The following SLC24A2 variants were observed in gnomAD, a reference collection of about 807,000 sequenced individuals.
SLC24A2 encodes the protein solute carrier family 24 member 2.
In SLC24A2, 36 loss-of-function variants were observed where a neutral mutation model predicts 62.0. The ratio of observed to expected loss-of-function variants is 0.58; its 90% confidence interval spans 0.44 to 0.77. SLC24A2 has a LOEUF of 0.77. SLC24A2 is among the 30% of genes least tolerant of loss of function. The pLI, the probability that SLC24A2 is intolerant of heterozygous loss-of-function variation, is 0.00. For synonymous variants in SLC24A2, 358 were observed against 294.0 expected, an observed-to-expected ratio of 1.22 and a Z score of -2.23; for missense variants, 846 against 817.9, an observed-to-expected ratio of 1.03 and a Z score of -0.42.
chr9:19,870,347 C>T, the SLC24A2 span, among the ~76,000 whole-genome samples: 1 of 152,178 alleles, frequency 6.6e-6, no homozygotes, highest in Non-Finnish European at 1.5e-5. Context: ...CATGTAACCA[C>T]AGTATTCCAT....
chr9:20,172,010 G>A, the SLC24A2 span, among the ~76,000 whole-genome samples: 4 of 151,904 alleles, frequency 2.6e-5, 1 homozygote, highest in Non-Finnish European at 5.9e-5. Context: ...ATTATATCAA[G>A]CACTCTCTCA....
the SLC24A2 span, among the ~76,000 whole-genome samples, chr9:20,021,417 G>A: frequency 6.6e-6 from 1 of 151,454 alleles, no homozygotes; most frequent in South Asian, 2.1e-4. Flanking sequence ...ATAATCTAAG[G>A]CAGCTGTTCC....
chr9:19,949,055 G>A, the SLC24A2 span, among the ~76,000 whole-genome samples: 1 of 151,848 alleles, frequency 6.6e-6, no homozygotes, highest in African/African-American at 2.4e-5. Context: ...GTGCAGTGGT[G>A]CCATCTCAGC....
At chr9:20,199,160 C>T in the SLC24A2 span, among the ~76,000 whole-genome samples, 18 of 152,074 alleles carry the variant, frequency 1.2e-4, no homozygotes, top group Non-Finnish European at 2.1e-4. Flanking sequence ...TTTTCTCTCT[C>T]CAGTTAGGGA....
At chr9:20,305,271 C>A in the SLC24A2 span, among the ~76,000 whole-genome samples, 4 of 152,090 alleles carry the variant, frequency 2.6e-5, no homozygotes, top group East Asian at 1.9e-4. Context: ...CAACGCCTGG[C>A]TAATTTTTGT....
chr9:19,972,367 G>A, the SLC24A2 span, among the ~76,000 whole-genome samples: 3 of 152,166 alleles, frequency 2.0e-5, no homozygotes, highest in Non-Finnish European at 4.4e-5. Flanking sequence ...TAATTCCTTA[G>A]AGGTTCTGGG....
At chr9:20,134,540 C>T in the SLC24A2 span, among the ~76,000 whole-genome samples, 143 of 152,128 alleles carry the variant, frequency 9.4e-4, no homozygotes, top group African/African-American at 3.3e-3. Context: ...GAGTCTAGTA[C>T]AATTTTGCAT....
chr9:20,234,964 G>T, the SLC24A2 span, among the ~76,000 whole-genome samples: 1 of 152,204 alleles, frequency 6.6e-6, no homozygotes, highest in Admixed American at 6.5e-5. Context: ...CTCAGCTGCA[G>T]GTCTGTTGGA....
the SLC24A2 span, among the ~76,000 whole-genome samples, chr9:19,798,626 A>ACACACACC: frequency 1.3e-5 from 2 of 150,060 alleles, no homozygotes; most frequent in African/African-American, 2.4e-5. Flanking sequence ...ACACACACAC[A>ACACACACC]CCCCTGGAAA....
At chr9:20,056,696 C>T in the SLC24A2 span, among the ~76,000 whole-genome samples, 1 of 152,130 alleles carries the variant, frequency 6.6e-6, no homozygotes, top group African/African-American at 2.4e-5. Flanking sequence ...GGGCATATGA[C>T]CTGATCTCTG....
Position 19,561,858 on chromosome 9 carries a change from A to G in SLC24A2, c.1347+11493T>C, listed in dbSNP as rs1158107090. 7.9e-5 allele frequency among the ~76,000 whole-genome samples: 12 copies of G among 152,324 alleles called. No homozygotes were observed. The East Asian group carries it at 1.7e-3, about 22-fold the overall frequency. On this transcript the variant is annotated intron_variant, in intron 7 of 10. Transcript: ENST00000341998. Reference sequence around the variant, plus strand: ...GAAAAAATCAAGAATTTGGCACCCTAAACACAACATGAGAAGGTTTCACTC... The same window carrying G: ...GAAAAAATCAAGAATTTGGCACCCTGAACACAACATGAGAAGGTTTCACTC...
At chr9:20,288,197 G>A in the SLC24A2 span, among the ~76,000 whole-genome samples, 1 of 152,160 alleles carries the variant, frequency 6.6e-6, no homozygotes, top group African/African-American at 2.4e-5. Flanking sequence ...GGGCAGGGGA[G>A]TATACATTAG....
chr9:19,889,687 T>C, the SLC24A2 span, among the ~76,000 whole-genome samples: 1 of 152,206 alleles, frequency 6.6e-6, no homozygotes, highest in East Asian at 1.9e-4. Context: ...CCACTCACAC[T>C]GAATCATGAA....
At chr9:20,252,911 C>T in the SLC24A2 span, among the ~76,000 whole-genome samples, 2 of 152,194 alleles carry the variant, frequency 1.3e-5, no homozygotes, top group African/African-American at 4.8e-5. Flanking sequence ...CTCCTGACAT[C>T]GCCCCTTTCA....
chr9:19,561,778 A>G (rs1255107583), intron 7 of SLC24A2, among the ~76,000 whole-genome samples: 1 of 77,784 alleles, frequency 1.3e-5, no homozygotes, highest in Non-Finnish European at 3.1e-5. Context: ...CTGATGGTAG[A>G]AAATAGTATA....
intron 2 of SLC24A2, among the ~76,000 whole-genome samples, chr9:19,769,227 C>G (rs995677799): frequency 6.6e-6 from 1 of 152,206 alleles, no homozygotes; most frequent in African/African-American, 2.4e-5. Context: ...CGATTTCTCT[C>G]TTTTTATCCT....
At chr9:20,229,108 T>A in the SLC24A2 span, among the ~76,000 whole-genome samples, 1 of 152,084 alleles carries the variant, frequency 6.6e-6, no homozygotes, top group Non-Finnish European at 1.5e-5. Context: ...GTACATACAA[T>A]CCATTTTCTA....
chr9:19,953,415 T>C, the SLC24A2 span, among the ~76,000 whole-genome samples: 2 of 152,040 alleles, frequency 1.3e-5, no homozygotes, highest in African/African-American at 4.8e-5. Flanking sequence ...TGTAGTTCTC[T>C]GTGCTTAAGG....
chr9:19,540,445 T>C (rs1220115205), intron 8 of SLC24A2, among the ~76,000 whole-genome samples: 2 of 150,880 alleles, frequency 1.3e-5, no homozygotes, highest in Admixed American at 6.6e-5. Context: ...TAAAGTATTT[T>C]ATTTCTCCTT....
Sources: gnomAD v4.1 joint callset for allele counts (sites outside exome capture counted in the v4.1 genomes callset) on GRCh38, gnomAD v4.1.1 for gene constraint, MANE v1.5 for transcripts, NCBI Gene and HGNC (gene_info 2026-07-23, HGNC 2026-07-21) for gene names.